GPC5: variants seen among roughly 807,000 people sequenced by gnomAD.
GPC5 encodes the protein glypican-5.
GPC5 carries 47 observed loss-of-function variants against 53.9 expected under a neutral mutation model. The observed-to-expected ratio is 0.87, with a 90% confidence interval of 0.69 to 1.11. GPC5 has a LOEUF of 1.11. Among genes scored for constraint, GPC5 ranks in the 50% most tolerant of loss-of-function variants. The probability of loss-of-function intolerance (pLI) is 0.00; values close to 1 mark genes in which losing one functional copy is unlikely to be tolerated. For synonymous variants in GPC5, 286 were observed against 263.3 expected (o/e 1.09, Z -0.84); for missense variants, 748 against 713.1 (o/e 1.05, Z -0.56).
chr13:92,394,359 G>A (rs1875161846), intron 7 of GPC5, among the ~76,000 whole-genome samples: 1 of 152,054 alleles, frequency 6.6e-6, no homozygotes, highest in Admixed American at 6.6e-5. Flanking sequence ...TGATAGTGTA[G>A]GAAATGAAGG....
chr13:91,406,156 T>C (rs1877311187), intron 1 of GPC5, among the ~76,000 whole-genome samples: 1 of 152,224 alleles, frequency 6.6e-6, no homozygotes, highest in African/African-American at 2.4e-5. Context: ...ACGTGTACCT[T>C]ATTGACTGTG....
rs192182043 is a variant in GPC5 at position 91,989,974 on chromosome 13, A to G, written c.1401+81917A>G. On this transcript the variant is annotated intron_variant, in intron 6 of 7. Coordinates refer to ENST00000377067, the MANE Select transcript of GPC5 (RefSeq NM_004466.6). ...CCTTTTTGCTTTCTTTGTGTGACAC[A>G]TAAAGTTAAAACCTGCATGATTCAT... is the stretch of plus-strand genomic sequence containing the variant. Among the ~76,000 whole-genome samples the G allele has an allele frequency of 3.9e-5, 6 of 152,326 alleles. No homozygotes were observed. In the East Asian group the frequency reaches 7.7e-4, roughly 20 times the overall value.
At chr13:92,408,101 G>T (rs1024632925) in intron 7 of GPC5, among the ~76,000 whole-genome samples, 1 of 152,128 alleles carries the variant, frequency 6.6e-6, no homozygotes, top group Non-Finnish European at 1.5e-5. Flanking sequence ...CCTGAGCTCC[G>T]CCTCCTGTCA....
At chr13:92,696,735 C>T (rs1249030523) in intron 7 of GPC5, among the ~76,000 whole-genome samples, 3 of 152,214 alleles carry the variant, frequency 2.0e-5, no homozygotes, top group East Asian at 1.9e-4. Flanking sequence ...GCTTTTGTTG[C>T]CCTTGCTTTT....
intron 2 of GPC5, among the ~76,000 whole-genome samples, chr13:91,683,038 GA>G (rs933845012): frequency 5.3e-4 from 77 of 145,518 alleles, no homozygotes; most frequent in East Asian, 1.4e-3. Flanking sequence ...CTTACATGGG[GA>G]AAAAAAAAAA....
intron 6 of GPC5, among the ~76,000 whole-genome samples, chr13:91,924,269 A>C (rs540680616): frequency 1.3e-5 from 2 of 152,358 alleles, no homozygotes; most frequent in Non-Finnish European, 2.9e-5. Flanking sequence ...ATTATTAATG[A>C]GAATTGAGTA....
intron 7 of GPC5, among the ~76,000 whole-genome samples, chr13:92,177,387 C>T (rs147028652): frequency 6.6e-6 from 1 of 152,166 alleles, no homozygotes; most frequent in Non-Finnish European, 1.5e-5. Context: ...TCCCATCTCA[C>T]TTTCCTTATT....
chr13:91,952,600 C>A lies in GPC5; in HGVS notation c.1401+44543C>A, dbSNP rs565043626. Among the ~76,000 whole-genome samples, 4 of 152,170 alleles carry A rather than the reference C, an allele frequency of 2.6e-5. No homozygotes were observed. In the South Asian group the frequency reaches 6.2e-4, roughly 24 times the overall value. ...CCAAAAAGAATCTCTGGGAATGAAG[C>A]AATAAGGATCCCCCAATGAGAGTAT... On this transcript the variant is annotated intron_variant, in intron 6 of 7. Transcript: ENST00000377067.
At chr13:91,705,113 T>C (rs2036071202) in intron 3 of GPC5, among the ~76,000 whole-genome samples, 1 of 152,182 alleles carries the variant, frequency 6.6e-6, no homozygotes, top group Non-Finnish European at 1.5e-5. Context: ...GTTTTCATTT[T>C]TAACAACTAA....
At chr13:91,599,679 CT>C (rs2033113662) in intron 2 of GPC5, among the ~76,000 whole-genome samples, 2 of 152,148 alleles carry the variant, frequency 1.3e-5, no homozygotes, top group Non-Finnish European at 2.9e-5. Flanking sequence ...GAAAATCCAT[CT>C]CATTAATTCA....
intron 7 of GPC5, among the ~76,000 whole-genome samples, chr13:92,487,235 C>A (rs575096678): frequency 2.6e-5 from 4 of 152,252 alleles, no homozygotes; most frequent in Non-Finnish European, 5.9e-5. Context: ...ATGCAGTTAA[C>A]AGAATGTTTT....
Position 92,453,121 on chromosome 13 carries a change from T to A in GPC5, c.1561+308132T>A, listed in dbSNP as rs868068154. On this transcript the variant is annotated intron_variant, in intron 7 of 7. Transcript: ENST00000377067. The stretch of plus-strand genomic sequence containing the variant: ...TATGAATGTGATTATTTTTCATTCA[T>A]TCCTCACATTCTAGAATAATATGTA... Among the ~76,000 whole-genome samples, 9 of 152,308 alleles carry A rather than the reference T, an allele frequency of 5.9e-5. No homozygotes were observed. The South Asian group carries it at 8.3e-4, about 14-fold the overall frequency.
rs767774488 is a variant in GPC5, at chr13:91,728,607, A to T, written c.1096A>T (p.Lys366Ter). The part of the protein sequence containing the change: ...PRCSFDQSKE[K>*]HGMKTTTRNS... ...TTGTTCTTTTGATCAGAGCAAAGAG[A>T]AGCATGGAATGAAGACCACCACAAG... Residue 366 changes from lysine to a stop codon, truncating the protein, a stop_gained, in exon 4 of 8, where the codon AAG (lysine) becomes TAG (stop). Transcript: ENST00000377067. LOFTEE classifies it high-confidence loss of function. The T allele has an allele frequency of 1.2e-6, 2 of 1,613,398 alleles. No homozygotes were observed. The highest frequency in any genetic ancestry group is 2.7e-5 in the African/African-American group (2 of 74,876).
At chr13:92,379,837 A>T (rs954198900) in intron 7 of GPC5, among the ~76,000 whole-genome samples, 19 of 152,096 alleles carry the variant, frequency 1.2e-4, no homozygotes, top group African/African-American at 4.6e-4. Context: ...CTCTGGCTTG[A>T]TATTTTCTTG....
chr13:92,006,774 C>G (rs988663035), intron 6 of GPC5, among the ~76,000 whole-genome samples: 10 of 152,132 alleles, frequency 6.6e-5, no homozygotes, highest in African/African-American at 2.4e-4. Flanking sequence ...CATACACACA[C>G]ACACAGATAT....
intron 6 of GPC5, among the ~76,000 whole-genome samples, chr13:92,124,824 A>C (rs2041681647): frequency 6.6e-6 from 1 of 152,120 alleles, no homozygotes; most frequent in Non-Finnish European, 1.5e-5. Flanking sequence ...TAATAGAAGA[A>C]AGTAATAATT....
chr13:91,644,708 A>G (rs967327084), intron 2 of GPC5, among the ~76,000 whole-genome samples: 2 of 151,932 alleles, frequency 1.3e-5, no homozygotes, highest in African/African-American at 4.8e-5. Context: ...TTGTTTTAAA[A>G]CCTTCCTAGC....
intron 7 of GPC5, among the ~76,000 whole-genome samples, chr13:92,818,378 A>C (rs1242938302): frequency 6.6e-6 from 1 of 152,018 alleles, no homozygotes; most frequent in African/African-American, 2.4e-5. Flanking sequence ...ATTCTTTATT[A>C]AAAAATAATT....
chr13:92,519,676 G>A (rs2138966038), intron 7 of GPC5, among the ~76,000 whole-genome samples: 1 of 152,200 alleles, frequency 6.6e-6, no homozygotes, highest in Non-Finnish European at 1.5e-5. Context: ...AGAGAAAGCA[G>A]GAAAGATCTA....
Sources: allele counts gnomAD v4.1 joint callset (sites outside exome capture counted in the v4.1 genomes callset), GRCh38; gene constraint gnomAD v4.1.1; transcripts MANE v1.5; gene names NCBI Gene and HGNC (gene_info 2026-07-23, HGNC 2026-07-21).